CLYBL: variants seen among roughly 807,000 people sequenced by gnomAD.
CLYBL encodes citramalyl-CoA lyase, also known as citramalyl-CoA lyase, mitochondrial.
CLYBL carries 31 observed loss-of-function variants against 38.9 expected under a neutral mutation model. That is an observed-to-expected ratio of 0.80 (90% CI 0.60 to 1.08). The LOEUF is 1.08. Ranked by LOEUF, CLYBL falls within the 50% of genes least tolerant of loss-of-function variation. The pLI, the probability that CLYBL is intolerant of heterozygous loss-of-function variation, is 0.00. For missense variants in CLYBL, 434 were observed against 411.6 expected, an observed-to-expected ratio of 1.05 and a Z score of -0.47; for synonymous variants, 171 against 158.6, an observed-to-expected ratio of 1.08 and a Z score of -0.59.
At chr13:99,666,029 G>A (rs1187909521) in intron 1 of CLYBL, among the ~76,000 whole-genome samples, 2 of 152,166 alleles carry the variant, frequency 1.3e-5, no homozygotes, top group East Asian at 1.9e-4. Flanking sequence ...TTTACTGAGG[G>A]TTTCACTTGG....
chr13:99,727,765 A>G (rs942087687), intron 1 of CLYBL, among the ~76,000 whole-genome samples: 1 of 152,092 alleles, frequency 6.6e-6, no homozygotes, highest in East Asian at 1.9e-4. Flanking sequence ...GGAATGATAG[A>G]TACCTTTTGG....
At chr13:99,696,344 C>T (rs1233766049) in intron 1 of CLYBL, among the ~76,000 whole-genome samples, 1 of 151,932 alleles carries the variant, frequency 6.6e-6, no homozygotes, top group African/African-American at 2.4e-5. Flanking sequence ...TTCCTCCCAC[C>T]TCAGCCTCCT....
intron 2 of CLYBL, among the ~76,000 whole-genome samples, chr13:99,779,088 A>C (rs1197892787): frequency 1.3e-5 from 2 of 152,176 alleles, no homozygotes; most frequent in East Asian, 1.9e-4. Flanking sequence ...GATCCAACAA[A>C]ATAGGTCTAT....
intron 2 of CLYBL, among the ~76,000 whole-genome samples, chr13:99,794,583 T>TATTATTATC (rs1283116575): frequency 6.8e-6 from 1 of 147,852 alleles, no homozygotes; most frequent in African/African-American, 2.5e-5. Context: ...TATTTTCATT[T>TATTATTATC]ATTATTATTA....
rs35611394 is a variant in CLYBL at position 99,891,321 on chromosome 13, G to T, written c.931G>T (p.Ala311Ser). The part of the protein sequence containing the change: ...FKEHQQLGKG[A>S]FTFQGSMIDM... ...GTTTGTATTCTCTGTTTTCCAGGGG[G>T]CCTTTACTTTCCAAGGGAGTATGAT... Residue 311 changes from alanine to serine, a missense_variant, in exon 8 of 9, where the codon GCC becomes TCC. Ala to Ser is a moderately conservative substitution (Grantham distance 99). Transcript: ENST00000339105. 3 of 1,611,018 alleles carry T rather than the reference G, an allele frequency of 1.9e-6. No homozygotes were observed. Among genetic ancestry groups the T allele is most frequent in the Non-Finnish European group, 2.5e-6 (3 of 1,177,408 alleles).
At chr13:99,640,815 A>C (rs1446299903) in intron 1 of CLYBL, among the ~76,000 whole-genome samples, 1 of 152,168 alleles carries the variant, frequency 6.6e-6, no homozygotes, top group Non-Finnish European at 1.5e-5. Flanking sequence ...ACTGCTCAGG[A>C]AATTTGTATG....
At chr13:99,839,195 G>C (rs1049156118) in intron 2 of CLYBL, among the ~76,000 whole-genome samples, 1 of 152,240 alleles carries the variant, frequency 6.6e-6, no homozygotes, top group African/African-American at 2.4e-5. Flanking sequence ...GAGTTTAGAA[G>C]GGGCATCACC....
At chr13:99,707,716 G>A (rs1263247059) in intron 1 of CLYBL, among the ~76,000 whole-genome samples, 8 of 152,252 alleles carry the variant, frequency 5.3e-5, no homozygotes, top group African/African-American at 1.7e-4. Flanking sequence ...TTGACTTGGT[G>A]TGAGGGTATT....
intron 2 of CLYBL, among the ~76,000 whole-genome samples, chr13:99,835,974 C>T (rs544768542): frequency 2.1e-4 from 32 of 152,110 alleles, no homozygotes; most frequent in Non-Finnish European, 3.8e-4. Context: ...CAGATGACAA[C>T]GACAAGGGGC....
intron 1 of CLYBL, among the ~76,000 whole-genome samples, chr13:99,710,205 C>T (rs1594132222): frequency 1.3e-5 from 2 of 152,142 alleles, no homozygotes; most frequent in Non-Finnish European, 2.9e-5. Flanking sequence ...AGCCACCGTG[C>T]CCGGCCCACC....
At chr13:99,622,446 A>T (rs931187936) in intron 1 of CLYBL, among the ~76,000 whole-genome samples, 1 of 152,172 alleles carries the variant, frequency 6.6e-6, no homozygotes, top group African/African-American at 2.4e-5. Context: ...TATCATCTAG[A>T]CCTGTTGGTT....
chr13:99,848,817 A>T (rs999506988), intron 2 of CLYBL, among the ~76,000 whole-genome samples: 10 of 152,186 alleles, frequency 6.6e-5, no homozygotes, highest in African/African-American at 2.4e-4. Flanking sequence ...AACCACAGAC[A>T]AATCTGAGCA....
intron 1 of CLYBL, among the ~76,000 whole-genome samples, chr13:99,750,868 C>A (rs2048943784): frequency 6.6e-6 from 1 of 151,820 alleles, no homozygotes; most frequent in Non-Finnish European, 1.5e-5. Context: ...TCAGTGGTTA[C>A]TGGACACGGG....
chr13:99,699,598 C>T (rs567558151), intron 1 of CLYBL, among the ~76,000 whole-genome samples: 18 of 151,786 alleles, frequency 1.2e-4, no homozygotes, highest in African/African-American at 4.4e-4. Flanking sequence ...AAGGCTGAGG[C>T]AGGAAAATTG....
At chr13:99,798,756 ATATT>A (rs1329176525) in intron 2 of CLYBL, among the ~76,000 whole-genome samples, 1 of 152,196 alleles carries the variant, frequency 6.6e-6, no homozygotes, top group East Asian at 1.9e-4. Context: ...GAAATGTTAT[ATATT>A]TATTGGAGGT....
intron 1 of CLYBL, among the ~76,000 whole-genome samples, chr13:99,647,283 G>A (rs1196176051): frequency 1.3e-5 from 2 of 152,182 alleles, no homozygotes; most frequent in Non-Finnish European, 2.9e-5. Context: ...CTTGTTCATA[G>A]GCAGCAGAGA....
At chr13:99,800,973 A>G (rs1295932802) in intron 2 of CLYBL, among the ~76,000 whole-genome samples, 1 of 152,174 alleles carries the variant, frequency 6.6e-6, no homozygotes, top group Admixed American at 6.5e-5. Context: ...GATAGGATAA[A>G]ATCATCTGAG....
chr13:99,674,639 A>G (rs978580945), intron 1 of CLYBL, among the ~76,000 whole-genome samples: 1 of 152,160 alleles, frequency 6.6e-6, no homozygotes, highest in African/African-American at 2.4e-5. Flanking sequence ...CCTCAGCCCA[A>G]GGCAACCACT....
chr13:99,831,839 C>A (rs1455088358), intron 2 of CLYBL, among the ~76,000 whole-genome samples: 1 of 152,024 alleles, frequency 6.6e-6, no homozygotes, highest in Non-Finnish European at 1.5e-5. Flanking sequence ...GATCCACACT[C>A]AATCAACCTG....
Sources: allele counts gnomAD v4.1 joint callset (sites outside exome capture counted in the v4.1 genomes callset), GRCh38; gene constraint gnomAD v4.1.1; transcripts MANE v1.5; gene names NCBI Gene and HGNC (gene_info 2026-07-23, HGNC 2026-07-21).